Variants in PAX5 observed in about 807,000 individuals in gnomAD.
PAX5 encodes paired box protein Pax-5.
Under a neutral mutation model 43.7 loss-of-function variants are expected in PAX5, and 9 were observed. That is an observed-to-expected ratio of 0.21 (90% CI 0.12 to 0.36). The LOEUF (loss-of-function observed/expected upper bound fraction) is 0.36. Ranked by LOEUF, PAX5 falls within the 10% of genes least tolerant of loss-of-function variation. The probability of loss-of-function intolerance (pLI) is 1.00; values close to 1 mark genes in which losing one functional copy is unlikely to be tolerated. For missense variants in PAX5, 383 were observed against 532.7 expected, an observed-to-expected ratio of 0.72 and a Z score of 2.77; for synonymous variants, 228 against 214.3, an observed-to-expected ratio of 1.06 and a Z score of -0.56.
rs1836315287 is a variant in PAX5, at chr9:36,985,486, G to A, written c.604+17162C>T. Among the ~76,000 whole-genome samples, 4 of 152,292 alleles carry A rather than the reference G, an allele frequency of 2.6e-5. No homozygotes were observed. The South Asian group carries it at 8.3e-4, about 32-fold the overall frequency. On this transcript the variant is annotated intron_variant, in intron 5 of 9. Transcript: ENST00000358127. ...TCCATTCCCTCACTACTACTTCCAC[G>A]TGTGTGCCAGGCCCTATGCTGGGCA...
chr9:36,903,076 T>C (rs2131866506), intron 7 of PAX5, among the ~76,000 whole-genome samples: 1 of 152,124 alleles, frequency 6.6e-6, no homozygotes, highest in East Asian at 1.9e-4. Flanking sequence ...GGCCGGGCAA[T>C]GGAGGATAAG....
rs189154310 is a variant in PAX5, at chr9:37,006,405, G to A, written c.475+68C>T. On this transcript the variant is annotated intron_variant, in intron 4 of 9. Coordinates refer to ENST00000358127, the MANE Select transcript of PAX5 (RefSeq NM_016734.3). ...TGCAGAATTATCTGTCCATAAGAAT[G>A]ATTAAAAGTTCTTTAGAATATTTGG... 3,252 of 1,154,138 alleles carry A rather than the reference G, an allele frequency of 2.8e-3. 46 individuals carry two copies. Among genetic ancestry groups the A allele is most frequent in the South Asian group, 1.1e-3 (92 of 80,518 alleles). The allele number at this position is 1,154,138 out of a possible 1,614,324, so 71.5% of individuals were successfully genotyped here.
rs552533857 is a variant in PAX5, at chr9:36,934,479, G to C, written c.781-10995C>G. Among the ~76,000 whole-genome samples, 9 of 152,326 alleles carry C rather than the reference G, an allele frequency of 5.9e-5. No individual in the cohort carries two copies. In the East Asian group the frequency reaches 1.7e-3, roughly 29 times the overall value. On this transcript the variant is annotated intron_variant, in intron 6 of 9. Transcript: ENST00000358127. ...TAGTTTTACAAGATGTTTTTGTGGAGGGAAACTCGGTAAAGGGTGTATAGG... is the reference window on the plus strand; with the variant it reads ...TAGTTTTACAAGATGTTTTTGTGGACGGAAACTCGGTAAAGGGTGTATAGG...
chr9:36,958,958 C>A (rs890576635), intron 6 of PAX5, among the ~76,000 whole-genome samples: 1 of 152,206 alleles, frequency 6.6e-6, no homozygotes, highest in African/African-American at 2.4e-5. Context: ...GCATCTTCAC[C>A]AGAACCCCAG....
chr9:36,881,937 G>C, intron 8 of PAX5, 67 bp downstream of exon 8: 1 of 1,173,514 alleles, frequency 8.5e-7, no homozygotes, highest in Non-Finnish European at 1.2e-6. Context: ...GCTGTTTGGG[G>C]GGGGATGTCC....
At chr9:36,943,529 TACACACACAC>T (rs1554668821) in intron 6 of PAX5, among the ~76,000 whole-genome samples, 9 of 146,018 alleles carry the variant, frequency 6.2e-5, no homozygotes, top group East Asian at 2.1e-4. Context: ...TAGTTCAACA[TACACACACAC>T]ACACACACAC....
chr9:36,833,526 A>G lies in PAX5; in HGVS notation c.*7034T>C, dbSNP rs1020176433. On this transcript the variant is annotated 3_prime_UTR_variant, in exon 10 of 10. Transcript: ENST00000358127. ...ATTTCAGGTTTGACAAGGAAAAAAAAGTAAAAAAAAAATTAAACCAAAACC... is the reference window on the plus strand; with the variant it reads ...ATTTCAGGTTTGACAAGGAAAAAAAGGTAAAAAAAAAATTAAACCAAAACC... 8.6e-6 allele frequency: 2 copies of G among 232,858 alleles called. No homozygotes were observed. Among genetic ancestry groups the G allele is most frequent in the Non-Finnish European group, 1.7e-5 (2 of 117,940 alleles). 14.4% of individuals were successfully genotyped at this position (232,858 alleles called of 1,614,324 possible).
intron 6 of PAX5, among the ~76,000 whole-genome samples, chr9:36,952,369 A>C (rs1448568866): frequency 6.7e-6 from 1 of 150,250 alleles, no homozygotes; most frequent in African/African-American, 2.5e-5. Context: ...CCTCCCAAGT[A>C]GCTGGGATTA....
intron 1 of PAX5, among the ~76,000 whole-genome samples, chr9:37,025,815 T>C (rs1227571359): frequency 6.6e-6 from 1 of 152,180 alleles, no homozygotes; most frequent in Non-Finnish European, 1.5e-5. Context: ...CTAATTGGCT[T>C]CCTCTTTCTT....
chr9:36,911,772 G>A (rs73453281), intron 7 of PAX5, among the ~76,000 whole-genome samples: 2,486 of 152,340 alleles, frequency 0.016, 72 homozygotes, highest in African/African-American at 0.057. Context: ...CTGGCACCCC[G>A]CCAGAGGGGA....
At chr9:36,879,408 G>A (rs558855284) in intron 8 of PAX5, among the ~76,000 whole-genome samples, 2 of 152,356 alleles carry the variant, frequency 1.3e-5, no homozygotes, top group East Asian at 3.9e-4. Context: ...AGGACCGGCT[G>A]GGTGGCCTCA....
At chr9:36,915,535 G>A (rs1002948704) in intron 7 of PAX5, among the ~76,000 whole-genome samples, 18 of 152,026 alleles carry the variant, frequency 1.2e-4, no homozygotes, top group African/African-American at 3.9e-4. Flanking sequence ...AGAAAAAAAA[G>A]TCAGTAGAAA....
intron 5 of PAX5, among the ~76,000 whole-genome samples, chr9:36,977,924 A>G (rs763738860): frequency 1.5e-4 from 23 of 152,242 alleles, no homozygotes; most frequent in Non-Finnish European, 2.5e-4. Context: ...AACGGCTATA[A>G]TTCAGCATGA....
intron 8 of PAX5, among the ~76,000 whole-genome samples, chr9:36,869,172 C>T (rs1825183573): frequency 6.6e-6 from 1 of 152,138 alleles, no homozygotes; most frequent in Non-Finnish European, 1.5e-5. Context: ...CTGTCAGGGT[C>T]TTGGAGACAG....
chr9:36,845,873 A>C (rs750367838), intron 9 of PAX5, among the ~76,000 whole-genome samples: 6 of 152,232 alleles, frequency 3.9e-5, no homozygotes, highest in Non-Finnish European at 7.3e-5. Context: ...AAGGAATTAA[A>C]AGGTTCTTCC....
chr9:36,873,187 TC>T (rs1170266175), intron 8 of PAX5, among the ~76,000 whole-genome samples: 2 of 152,214 alleles, frequency 1.3e-5, no homozygotes, highest in African/African-American at 2.4e-5. Context: ...CACCTGCATT[TC>T]CCCACACTTT....
chr9:36,869,875 A>ATGGATGGATGGATGGATGGATGG (rs1825272286), intron 8 of PAX5, among the ~76,000 whole-genome samples: 1 of 43,006 alleles, frequency 2.3e-5, no homozygotes, highest in Non-Finnish European at 4.9e-5. Context: ...TGGATGGATA[A>ATGGATGGATGGATGGATGGATGG]ATGGATGGAT....
At chr9:36,973,876 C>T (rs995516806) in intron 5 of PAX5, among the ~76,000 whole-genome samples, 5 of 152,088 alleles carry the variant, frequency 3.3e-5, no homozygotes, top group African/African-American at 1.2e-4. Flanking sequence ...TGTGGTGGCA[C>T]ATGCCTGCAG....
rs77134091 is a variant in PAX5 at position 37,023,486 on chromosome 9, C to A, written c.47-2685G>T. Among the ~76,000 whole-genome samples the A allele has an allele frequency of 7.2e-3, 1,099 of 152,208 alleles. 72 individuals carry two copies. The East Asian group carries it at 0.12, about 16-fold the overall frequency. On this transcript the variant is annotated intron_variant, in intron 1 of 9. Coordinates refer to ENST00000358127, the MANE Select transcript of PAX5 (RefSeq NM_016734.3). Reference sequence around the variant, plus strand: ...AATCAGGTGAAGACCAGGAAACAGACCCACAGATACAAGAAAAAGACAGAC... The same window carrying A: ...AATCAGGTGAAGACCAGGAAACAGAACCACAGATACAAGAAAAAGACAGAC...
Sources: gnomAD v4.1 joint callset for allele counts (sites outside exome capture counted in the v4.1 genomes callset) on GRCh38, gnomAD v4.1.1 for gene constraint, MANE v1.5 for transcripts, NCBI Gene and HGNC (gene_info 2026-07-23, HGNC 2026-07-21) for gene names.